Variants in MB21D2 observed in about 807,000 individuals in gnomAD.
The protein encoded by MB21D2 is Mab-21 domain containing 2, also known as nucleotidyltransferase MB21D2.
A neutral mutation model predicts 33.3 loss-of-function variants in MB21D2; 9 were observed. The ratio of observed to expected loss-of-function variants is 0.27; its 90% CI spans 0.16 to 0.47. MB21D2 has a LOEUF of 0.47. Ranked by LOEUF, MB21D2 falls within the 20% of genes least tolerant of loss-of-function variation. The pLI is 0.99. For missense variants in MB21D2, 540 were observed against 624.6 expected (o/e 0.86, Z 1.44); for synonymous variants, 241 against 236.3 (o/e 1.02, Z -0.18).
chr3:192,907,892 G>A (rs192028584), intron 1 of MB21D2, among the ~76,000 whole-genome samples: 5 of 152,226 alleles, frequency 3.3e-5, no homozygotes, highest in Admixed American at 3.3e-4. Flanking sequence ...CCAGAGGTCC[G>A]GAAGTACCCT....
At chr3:192,844,085 A>G (rs191256943) in intron 1 of MB21D2, among the ~76,000 whole-genome samples, 85 of 152,144 alleles carry the variant, frequency 5.6e-4, no homozygotes, top group African/African-American at 2.0e-3. Flanking sequence ...TTTTCTTTCT[A>G]GTTCTGCCTC....
rs185231682 is a variant in MB21D2, at chr3:192,915,382, C to T, written c.211+2248G>A. Among the ~76,000 whole-genome samples, 158 of 152,346 alleles carry T rather than the reference C, an allele frequency of 1.0e-3. 1 individual carries two copies. The highest frequency in any genetic ancestry group is 3.6e-3 in the African/African-American group (149 of 41,582). On this transcript the variant is annotated intron_variant, in intron 1 of 1. Coordinates refer to ENST00000392452, the MANE Select transcript of MB21D2 (RefSeq NM_178496.4). ...AAGTAAATCCACATAGGAACCCTTG[C>T]TGTCGCCAAACCTCCACTTGTGTAG...
At chr3:192,834,732 G>C (rs561076980) in intron 1 of MB21D2, among the ~76,000 whole-genome samples, 2 of 152,090 alleles carry the variant, frequency 1.3e-5, no homozygotes, top group East Asian at 3.9e-4. Context: ...ATTTCTTTCT[G>C]GGATAGACTG....
chr3:192,832,988 C>T (rs1306683849), intron 1 of MB21D2, among the ~76,000 whole-genome samples: 1 of 152,116 alleles, frequency 6.6e-6, no homozygotes, highest in East Asian at 1.9e-4. Context: ...GAGATGTTAG[C>T]TTTGCCCTGT....
intron 1 of MB21D2, among the ~76,000 whole-genome samples, chr3:192,823,479 C>A (rs2108617215): frequency 6.6e-6 from 1 of 152,080 alleles, no homozygotes; most frequent in Non-Finnish European, 1.5e-5. Flanking sequence ...CACGGAGAAA[C>A]CCCATTTCTA....
chr3:192,818,708 T>G (rs1206220868), intron 1 of MB21D2, among the ~76,000 whole-genome samples: 1 of 152,214 alleles, frequency 6.6e-6, no homozygotes, highest in Non-Finnish European at 1.5e-5. Context: ...ATGTCCTGGT[T>G]ACAAAGTCAA....
At chr3:192,810,430 C>T (rs749405596) in intron 1 of MB21D2, among the ~76,000 whole-genome samples, 1 of 144,752 alleles carries the variant, frequency 6.9e-6, no homozygotes, top group Non-Finnish European at 1.6e-5. Flanking sequence ...TACAAACTAT[C>T]GAATTTGCTA....
intron 1 of MB21D2, among the ~76,000 whole-genome samples, chr3:192,861,244 C>T (rs1161937566): frequency 1.3e-5 from 2 of 152,198 alleles, no homozygotes; most frequent in African/African-American, 4.8e-5. Flanking sequence ...TTACCATCTC[C>T]AAGTCCCCTG....
At chr3:192,857,968 T>A (rs1013964250) in intron 1 of MB21D2, among the ~76,000 whole-genome samples, 3 of 151,828 alleles carry the variant, frequency 2.0e-5, no homozygotes, top group South Asian at 2.1e-4. Context: ...CTACTAAAAT[T>A]ACAAAAATTA....
At chr3:192,914,579 T>C (rs1437733701) in intron 1 of MB21D2, among the ~76,000 whole-genome samples, 1 of 152,198 alleles carries the variant, frequency 6.6e-6, no homozygotes, top group Non-Finnish European at 1.5e-5. Context: ...GTGTTTATTA[T>C]GCACTGCCAG....
intron 1 of MB21D2, among the ~76,000 whole-genome samples, chr3:192,881,378 G>A (rs981825354): frequency 6.6e-6 from 1 of 152,022 alleles, no homozygotes; most frequent in African/African-American, 2.4e-5. Flanking sequence ...TGGGGCAGGG[G>A]AAACTAGAAG....
intron 1 of MB21D2, among the ~76,000 whole-genome samples, chr3:192,888,395 T>C (rs528529723): frequency 2.0e-5 from 3 of 152,282 alleles, no homozygotes; most frequent in African/African-American, 4.8e-5. Context: ...GAAGCTCTAG[T>C]AAATTCCATT....
At chr3:192,869,138 C>A (rs1238396991) in intron 1 of MB21D2, among the ~76,000 whole-genome samples, 1 of 151,934 alleles carries the variant, frequency 6.6e-6, no homozygotes, top group Non-Finnish European at 1.5e-5. Context: ...CCCCTGTAAT[C>A]CCACTTACTC....
At chr3:192,847,941 A>G (rs1305790092) in intron 1 of MB21D2, among the ~76,000 whole-genome samples, 1 of 152,220 alleles carries the variant, frequency 6.6e-6, no homozygotes. Context: ...ATTTGGGCTT[A>G]ACTTTGATGA....
intron 1 of MB21D2, among the ~76,000 whole-genome samples, chr3:192,817,913 T>G (rs1711962123): frequency 6.8e-6 from 1 of 147,286 alleles, no homozygotes; most frequent in South Asian, 2.2e-4. Context: ...CGTCCCTGTC[T>G]TAACTGCTCC....
At chr3:192,853,816 G>A (rs531926065) in intron 1 of MB21D2, among the ~76,000 whole-genome samples, 13 of 152,254 alleles carry the variant, frequency 8.5e-5, no homozygotes, top group South Asian at 2.1e-4. Flanking sequence ...GTTCACATGC[G>A]TCTCTGTGTC....
At chr3:192,805,014 G>A (rs1560225495) in intron 1 of MB21D2, among the ~76,000 whole-genome samples, 1 of 152,300 alleles carries the variant, frequency 6.6e-6, no homozygotes. Context: ...GGTTCCAAGA[G>A]GAGAAATCAC....
At chr3:192,870,062 T>C (rs577520043) in intron 1 of MB21D2, among the ~76,000 whole-genome samples, 1 of 152,320 alleles carries the variant, frequency 6.6e-6, no homozygotes, top group African/African-American at 2.4e-5. Context: ...ATAATTATCA[T>C]CATGAAATAA....
intron 1 of MB21D2, among the ~76,000 whole-genome samples, chr3:192,846,498 G>A (rs1712682789): frequency 6.6e-6 from 1 of 152,100 alleles, no homozygotes; most frequent in Admixed American, 6.5e-5. Context: ...TTGGCTCAAT[G>A]TGTTCACATG....
Sources: gnomAD v4.1 joint callset for allele counts (sites outside exome capture counted in the v4.1 genomes callset) on GRCh38, gnomAD v4.1.1 for gene constraint, MANE v1.5 for transcripts, NCBI Gene and HGNC (gene_info 2026-07-23, HGNC 2026-07-21) for gene names.